The following ATRX variants were observed in gnomAD, a reference collection of about 807,000 sequenced individuals.
ATRX encodes the protein chromatin remodeler ATRX.
A neutral mutation model predicts 172.6 loss-of-function variants in ATRX; 12 were observed. The ratio of observed to expected loss-of-function variants is 0.07; its 90% CI spans 0.04 to 0.11. The LOEUF (loss-of-function observed/expected upper bound fraction) is 0.11, where lower values mean the gene tolerates loss of function less well. Among genes scored for constraint, ATRX ranks in the 10% least tolerant of loss-of-function variants. The probability of loss-of-function intolerance (pLI) is 1.00; values close to 1 mark genes in which losing one functional copy is unlikely to be tolerated. For synonymous variants in ATRX, 674 were observed against 594.7 expected, an observed-to-expected ratio of 1.13 and a Z score of -1.94; for missense variants, 1,368 against 1,767.4, an observed-to-expected ratio of 0.77 and a Z score of 4.05.
At chrX:77,687,152 CAAAAAAAA>C (rs146268162) in intron 7 of ATRX, among the ~76,000 whole-genome samples, 3 of 39,372 alleles carry the variant, frequency 7.6e-5, no homozygotes, top group South Asian at 5.9e-3. Flanking sequence ...GACTCCGTCT[CAAAAAAAA>C]AAAAAAAAAA....
At chrX:77,766,713 C>A (rs1160251307) in intron 1 of ATRX, among the ~76,000 whole-genome samples, 2 of 104,450 alleles carry the variant, frequency 1.9e-5, no homozygotes, top group Non-Finnish European at 3.9e-5. Flanking sequence ...GGCGGCCGGG[C>A]AGAGACGCTC....
chrX:77,711,446 A>C (rs1252280101), intron 2 of ATRX, among the ~76,000 whole-genome samples: 2 of 112,725 alleles, frequency 1.8e-5, no homozygotes, highest in Non-Finnish European at 3.7e-5. Context: ...TAACTGTCTA[A>C]GTAGAAAATC....
rs2147737878 is a variant in ATRX at position 77,520,880 on chromosome X, G to A, written c.7108C>T (p.Gln2370Ter). 8.3e-7 allele frequency: 1 copy of A among 1,209,586 alleles called. No homozygotes were observed. The highest frequency in any genetic ancestry group is 1.1e-6 in the Non-Finnish European group (1 of 893,680). ...GCTTGTCTACTTAATGCTAACGCCT[G>A]TACTTGGGCCTCTGAGAGATTCATG... Reference protein sequence around the residue: ...ENMNLSEAQVQALALSRQASQ... With the variant: ...ENMNLSEAQV The change falls in exon 34 of 35, where the codon CAG becomes TAG. Residue 2370 changes from glutamine (Q) to a stop codon, truncating the protein, a stop_gained. Coordinates refer to ENST00000373344, the MANE Select transcript of ATRX (RefSeq NM_000489.6). LOFTEE classifies it high-confidence loss of function.
intron 34 of ATRX, among the ~76,000 whole-genome samples, chrX:77,517,029 C>T (rs138073437): frequency 1.3e-3 from 141 of 108,933 alleles, no homozygotes; most frequent in African/African-American, 4.4e-3. Flanking sequence ...CTTCTTAAAA[C>T]GAATGATAAA....
intron 30 of ATRX, among the ~76,000 whole-genome samples, chrX:77,546,497 AT>A (rs375224408): frequency 0.01 from 1,054 of 103,091 alleles, 10 homozygotes; most frequent in African/African-American, 0.028. Flanking sequence ...AGGAATCTGC[AT>A]TTTTTTTTTT....
chrX:77,593,993 G>A (rs1417941112), intron 25 of ATRX, 144 bp from the exon 26 acceptor site: 4 of 493,612 alleles, frequency 8.1e-6, no homozygotes, highest in Non-Finnish European at 1.4e-5. Context: ...AAAGAGAAAG[G>A]CAGGCACACG....
chrX:77,752,176 T>C (rs957923776), intron 1 of ATRX, among the ~76,000 whole-genome samples: 1 of 111,978 alleles, frequency 8.9e-6, no homozygotes, highest in African/African-American at 3.2e-5. Context: ...TTTGTAGTTC[T>C]CCTTGAAGAG....
chrX:77,520,191 T>C (rs1266961783), intron 34 of ATRX, among the ~76,000 whole-genome samples: 6 of 111,183 alleles, frequency 5.4e-5, no homozygotes, highest in Admixed American at 9.6e-5. Flanking sequence ...TAATGGGGGA[T>C]GGTTAATAGG....
At chrX:77,557,754 G>T in intron 29 of ATRX, 109 bp from the exon 30 acceptor site, 1 of 668,428 alleles carries the variant, frequency 1.5e-6, no homozygotes, top group Non-Finnish European at 2.2e-6. Context: ...AAACTTTATG[G>T]TAGTATATTG....
At chrX:77,707,005 T>C (rs1298441426) in intron 2 of ATRX, among the ~76,000 whole-genome samples, 2 of 112,725 alleles carry the variant, frequency 1.8e-5, no homozygotes, top group African/African-American at 6.4e-5. Context: ...AAACAAAATG[T>C]GGTATATACA....
At chrX:77,655,633 A>G (rs1234039026) in intron 13 of ATRX, among the ~76,000 whole-genome samples, 1 of 110,021 alleles carries the variant, frequency 9.1e-6, no homozygotes, top group African/African-American at 3.3e-5. Flanking sequence ...TGTTTGTTGC[A>G]CAACTTTGCA....
At chrX:77,734,630 T>C (rs2074455459) in intron 1 of ATRX, among the ~76,000 whole-genome samples, 1 of 104,673 alleles carries the variant, frequency 9.6e-6, no homozygotes, top group African/African-American at 3.5e-5. Context: ...CTACTAAAAA[T>C]ACAAAAATTA....
chrX:77,627,260 T>TA (rs782486393), intron 19 of ATRX, among the ~76,000 whole-genome samples: 88 of 110,401 alleles, frequency 8.0e-4, no homozygotes, highest in African/African-American at 2.8e-3. Context: ...AAAATAAAAA[T>TA]AAAAGTAAAT....
chrX:77,560,080 G>A (rs1557061205), intron 28 of ATRX, among the ~76,000 whole-genome samples: 1 of 111,631 alleles, frequency 9.0e-6, no homozygotes, highest in Non-Finnish European at 1.9e-5. Flanking sequence ...ATTGCCAAGA[G>A]TTGAAATTGG....
chrX:77,508,881 AGTAATGT>A (rs782139133), intron 34 of ATRX, among the ~76,000 whole-genome samples: 1 of 112,418 alleles, frequency 8.9e-6, no homozygotes, highest in African/African-American at 3.2e-5. Flanking sequence ...TAGTTGCCAT[AGTAATGT>A]GTTCTGTACT....
chrX:77,523,109 TAA>T lies in ATRX; in HGVS notation c.6849+141_6849+142del, dbSNP rs2063284291. On this transcript the variant is annotated intron_variant, in intron 31 of 34. Transcript: ENST00000373344. ...ACTAAAGGTAGCTGAAACCAACCCA[TAA>T]AGAGATTCTTGTAATTGGGGAATGT... 2.3e-5 allele frequency: 19 copies of T among 821,720 alleles called. 1 individual carries two copies. The South Asian group carries it at 4.4e-4, about 19-fold the overall frequency. 67.7% of individuals were successfully genotyped at this position (821,720 alleles called of 1,213,427 possible).
At chrX:77,672,797 G>A (rs1239763856) in intron 10 of ATRX, among the ~76,000 whole-genome samples, 5 of 111,111 alleles carry the variant, frequency 4.5e-5, no homozygotes, top group African/African-American at 9.8e-5. Context: ...GTGTTTGTTA[G>A]GGGAGCAGAC....
intron 15 of ATRX, 31 bp downstream of exon 15, chrX:77,652,083 A>G: frequency 8.3e-7 from 1 of 1,204,169 alleles, no homozygotes; most frequent in Non-Finnish European, 1.1e-6. Flanking sequence ...TGTAGCTACA[A>G]AAGAAAAAGA....
Position 77,723,875 on chromosome X carries a change from A to G in ATRX, c.21-6632T>C, listed in dbSNP as rs1040673963. Among the ~76,000 whole-genome samples, 48 of 112,242 alleles carry G rather than the reference A, an allele frequency of 4.3e-4. 1 individual carries two copies. In the Admixed American group the frequency reaches 4.4e-3, roughly 10 times the overall value. On this transcript the variant is annotated intron_variant, in intron 1 of 34. Coordinates refer to ENST00000373344, the MANE Select transcript of ATRX (RefSeq NM_000489.6). ...TCCCAAATCATAGCAATCAAATTGC[A>G]AAGTCAGCTATTTAATGAGTTCACA...
Sources: gnomAD v4.1 joint callset for allele counts (sites outside exome capture counted in the v4.1 genomes callset) on GRCh38, gnomAD v4.1.1 for gene constraint, MANE v1.5 for transcripts, NCBI Gene and HGNC (gene_info 2026-07-23, HGNC 2026-07-21) for gene names.